The following TSC22D2 variants were observed in gnomAD, a reference collection of about 807,000 sequenced individuals.
TSC22D2 encodes TSC22 domain family member 2.
TSC22D2 carries 5 observed loss-of-function variants against 50.1 expected under a neutral mutation model. The ratio of observed to expected loss-of-function variants is 0.10; its 90% confidence interval spans 0.05 to 0.21. TSC22D2 has a LOEUF of 0.21. Ranked by LOEUF, TSC22D2 falls within the 10% of genes least tolerant of loss-of-function variation. The pLI, the probability that TSC22D2 is intolerant of heterozygous loss-of-function variation, is 1.00. For missense variants in TSC22D2, 1,003 were observed against 1,015.5 expected, an observed-to-expected ratio of 0.99 and a Z score of 0.17; for synonymous variants, 501 against 450.1, an observed-to-expected ratio of 1.11 and a Z score of -1.43.
intron 1 of TSC22D2, among the ~76,000 whole-genome samples, chr3:150,433,227 T>C (rs1414119255): frequency 6.6e-6 from 1 of 152,198 alleles, no homozygotes; most frequent in African/African-American, 2.4e-5. Context: ...GAAGGTGCTA[T>C]TGTATTTTTC....
intron 1 of TSC22D2, among the ~76,000 whole-genome samples, chr3:150,433,526 A>G (rs1277201661): frequency 6.6e-6 from 1 of 152,218 alleles, no homozygotes; most frequent in Non-Finnish European, 1.5e-5. Flanking sequence ...CTAGTCCTAC[A>G]CAGTATCGGA....
chr3:150,441,782 C>T (rs1720725076), intron 1 of TSC22D2, among the ~76,000 whole-genome samples: 1 of 152,136 alleles, frequency 6.6e-6, no homozygotes, highest in African/African-American at 2.4e-5. Context: ...TAAATAGAGT[C>T]ATCAGAATGC....
chr3:150,464,845 G>A lies in TSC22D2; in HGVS notation c.*6209G>A, dbSNP rs1472351615. On this transcript the variant is annotated 3_prime_UTR_variant, in exon 3 of 3. Transcript: ENST00000688009. ...AGTTTACACATTTTTAATACTCTAA[G>A]TTGTAGATAATGAAATTGATTTAAA... 1 of 152,160 alleles carries A rather than the reference G, an allele frequency of 6.6e-6. No homozygotes were observed. The highest frequency in any genetic ancestry group is 1.5e-5 in the Non-Finnish European group (1 of 68,018). The allele number at this position is 152,160 out of a possible 1,614,324, so 9.4% of individuals were successfully genotyped here.
In TSC22D2 at chr3:150,409,662, A is replaced by T; in HGVS notation, c.312A>T (p.Gly104=). ...LAAAAAAPAN[G]GGVVSARSVS... Reference sequence around the variant, plus strand: ...CGGCGGCTGCTGCTCCCGCCAACGGAGGAGGAGTCGTTTCGGCCCGGAGCG... The same window carrying T: ...CGGCGGCTGCTGCTCCCGCCAACGGTGGAGGAGTCGTTTCGGCCCGGAGCG... The change falls in exon 1 of 3, where the codon GGA becomes GGT. Residue 104 remains glycine (G), a synonymous_variant. Coordinates refer to ENST00000688009, the MANE Select transcript of TSC22D2 (RefSeq NM_001303264.2). The surrounding 1 kb of genome is among the most constrained non-coding windows in gnomAD (Gnocchi z 7.4). 1 of 1,601,922 alleles carries T rather than the reference A, an allele frequency of 6.2e-7. No individual in the cohort carries two copies.
At chr3:150,411,362 G>C in intron 1 of TSC22D2, 54 bp downstream of exon 1, 1 of 1,495,714 alleles carries the variant, frequency 6.7e-7, no homozygotes, top group Non-Finnish European at 8.9e-7. Flanking sequence ...CAACATTGTA[G>C]CTTAGGATGC....
chr3:150,415,529 C>T (rs931705618), intron 1 of TSC22D2, among the ~76,000 whole-genome samples: 1 of 152,184 alleles, frequency 6.6e-6, no homozygotes, highest in Non-Finnish European at 1.5e-5. Context: ...TTTAAGAATC[C>T]TGGGCCAGGA....
chr3:150,421,941 T>C (rs981776635), intron 1 of TSC22D2, among the ~76,000 whole-genome samples: 1 of 152,190 alleles, frequency 6.6e-6, no homozygotes, highest in African/African-American at 2.4e-5. Context: ...GTGTAGTGGT[T>C]TAAGAGCATA....
chr3:150,413,576 TAGAA>T (rs1251614780), intron 1 of TSC22D2, among the ~76,000 whole-genome samples: 1 of 146,434 alleles, frequency 6.8e-6, no homozygotes, highest in South Asian at 2.1e-4. Flanking sequence ...TTTTTTTTAA[TAGAA>T]AGCTTTGGTT....
In TSC22D2 at chr3:150,458,688, T is replaced by C. The variant is rs763039309; in HGVS notation, c.*52T>C. ...AAACTGAAAGCAATCTATCCTTGTGTGCCACTGGTGTTCTTTCCACTTTAT... is the reference window on the plus strand; with the variant it reads ...AAACTGAAAGCAATCTATCCTTGTGCGCCACTGGTGTTCTTTCCACTTTAT... On this transcript the variant is annotated 3_prime_UTR_variant, in exon 3 of 3. Transcript: ENST00000688009. 1 of 1,596,880 alleles carries C rather than the reference T, an allele frequency of 6.3e-7. No individual in the cohort carries two copies. Among genetic ancestry groups the C allele is most frequent in the Non-Finnish European group, 8.5e-7 (1 of 1,171,616 alleles).
chr3:150,444,881 T>C, intron 1 of TSC22D2, among the ~76,000 whole-genome samples: 1 of 151,662 alleles, frequency 6.6e-6, no homozygotes, highest in East Asian at 1.9e-4. Context: ...TCCCTTTGAA[T>C]AAGGTAATTC....
chr3:150,457,340 T>A (rs914125501), intron 2 of TSC22D2, among the ~76,000 whole-genome samples: 3 of 152,220 alleles, frequency 2.0e-5, no homozygotes, highest in Non-Finnish European at 4.4e-5. Flanking sequence ...TTTGAATATC[T>A]CACATTTCAT....
intron 1 of TSC22D2, among the ~76,000 whole-genome samples, chr3:150,435,424 CTG>C (rs1019292894): frequency 2.6e-5 from 4 of 152,122 alleles, no homozygotes; most frequent in South Asian, 4.2e-4. Flanking sequence ...TGGAATGACT[CTG>C]TGTAATTTAT....
At chr3:150,437,742 A>T (rs1359708514) in intron 1 of TSC22D2, among the ~76,000 whole-genome samples, 1 of 151,970 alleles carries the variant, frequency 6.6e-6, no homozygotes, top group Non-Finnish European at 1.5e-5. Context: ...CAGGAGGTGG[A>T]GGTTGTAGTG....
intron 1 of TSC22D2, among the ~76,000 whole-genome samples, chr3:150,455,957 A>C (rs1721174124): frequency 1.3e-5 from 2 of 151,704 alleles, no homozygotes; most frequent in Non-Finnish European, 2.9e-5. Context: ...TACTTAATAC[A>C]TGGTAGAATA....
At chr3:150,429,394 A>G (rs956582327) in intron 1 of TSC22D2, among the ~76,000 whole-genome samples, 4 of 152,130 alleles carry the variant, frequency 2.6e-5, no homozygotes, top group African/African-American at 9.7e-5. Context: ...AAAAATAACT[A>G]CACATTACAG....
chr3:150,453,311 C>A (rs773858910), intron 1 of TSC22D2, among the ~76,000 whole-genome samples: 8 of 152,158 alleles, frequency 5.3e-5, no homozygotes, highest in Non-Finnish European at 1.0e-4. Context: ...TTCAGTTGAT[C>A]TTTCTCATTT....
chr3:150,419,140 C>G (rs568666402), intron 1 of TSC22D2, among the ~76,000 whole-genome samples: 4 of 152,170 alleles, frequency 2.6e-5, no homozygotes, highest in South Asian at 4.1e-4. Context: ...TATAGACTTT[C>G]ATTTGATCTT....
At chr3:150,419,107 T>G (rs1047047549) in intron 1 of TSC22D2, among the ~76,000 whole-genome samples, 1 of 152,102 alleles carries the variant, frequency 6.6e-6, no homozygotes, top group Non-Finnish European at 1.5e-5. Context: ...CAAAGCAAGC[T>G]TACTTGTGTC....
intron 1 of TSC22D2, among the ~76,000 whole-genome samples, chr3:150,419,845 G>A (rs188825824): frequency 2.1e-4 from 32 of 152,232 alleles, no homozygotes; most frequent in Admixed American, 2.0e-3. Context: ...TTTTTGTTTA[G>A]GTGGCTGAAG....
Sources: allele counts gnomAD v4.1 joint callset (sites outside exome capture counted in the v4.1 genomes callset), GRCh38; gene constraint gnomAD v4.1.1; non-coding constraint Gnocchi (gnomAD v3.1); transcripts MANE v1.5; gene names NCBI Gene and HGNC (gene_info 2026-07-23, HGNC 2026-07-21).